PEX3: variants seen among roughly 807,000 people sequenced by gnomAD.
PEX3 encodes the protein peroxisomal biogenesis factor 3.
PEX3 carries 30 observed loss-of-function variants against 55.8 expected under a neutral mutation model. The observed-to-expected ratio is 0.54, with a 90% CI of 0.40 to 0.73. The LOEUF is 0.73. Among genes scored for constraint, PEX3 ranks in the 30% least tolerant of loss-of-function variants. The pLI, the probability that PEX3 is intolerant of heterozygous loss-of-function variation, is 0.00. For synonymous variants in PEX3, 135 were observed against 148.4 expected, an observed-to-expected ratio of 0.91 and a Z score of 0.66; for missense variants, 351 against 432.8, an observed-to-expected ratio of 0.81 and a Z score of 1.68.
Position 143,451,335 on chromosome 6 carries a change from C to CT in PEX3, c.73+221dup, listed in dbSNP as rs1158852730. Among the ~76,000 whole-genome samples the CT allele has an allele frequency of 3.3e-5, 5 of 152,180 alleles. No homozygotes were observed. Among genetic ancestry groups the CT allele is most frequent in the Admixed American group, 2.0e-4 (3 of 15,282 alleles). On this transcript the variant is annotated intron_variant, in intron 1 of 11. Transcript: ENST00000367591. This position sits in a 1 kb window ranked among gnomAD's most constrained non-coding sequence, Gnocchi z 4.1. ...TTTGCCCTGTCACCGACTCTTAACT[C>CT]TGTTTCTCACCTATCCTTTTTTCTC... is the stretch of plus-strand genomic sequence containing the variant.
rs1780065436 is a variant in PEX3 at position 143,470,961 on chromosome 6, G to A, written c.332G>A (p.Ser111Asn). 1 of 1,612,122 alleles carries A rather than the reference G, an allele frequency of 6.2e-7. No individual in the cohort carries two copies. The highest frequency in any genetic ancestry group is 8.5e-7 in the Non-Finnish European group (1 of 1,178,600). Reference sequence around the variant, plus strand: ...AAATGCTTTTCTTTTCTCTGTGAAGGTTTCACAAGAAGTACTGTGGCTGTA... The same window carrying A: ...AAATGCTTTTCTTTTCTCTGTGAAGATTTCACAAGAAGTACTGTGGCTGTA... ...LEIWEDLKII[S>N]FTRSTVAVYS... Residue 111 changes from serine to asparagine, a missense_variant and splice_region_variant, in exon 5 of 12, where the codon AGT (serine) becomes AAT (asparagine). Coordinates refer to ENST00000367591, the MANE Select transcript of PEX3 (RefSeq NM_003630.3).
chr6:143,452,120 G>T (rs544200762), intron 1 of PEX3, among the ~76,000 whole-genome samples: 19 of 152,230 alleles, frequency 1.2e-4, no homozygotes, highest in South Asian at 2.1e-4. Flanking sequence ...ATTGTATTCT[G>T]TTCTCCCCAA....
chr6:143,480,109 C>T (rs1339098319), intron 10 of PEX3, among the ~76,000 whole-genome samples: 1 of 151,978 alleles, frequency 6.6e-6, no homozygotes, highest in South Asian at 2.1e-4. Context: ...ATTAATTTGA[C>T]ATTGACATTA....
intron 1 of PEX3, among the ~76,000 whole-genome samples, chr6:143,456,239 G>A (rs9399442): frequency 0.32 from 47,968 of 152,016 alleles, 8,628 homozygotes; most frequent in African/African-American, 0.49. Context: ...TACCAGAGCC[G>A]TCAATATCTC....
chr6:143,459,180 C>A lies in PEX3; in HGVS notation c.169C>A (p.His57Asn). 3 of 1,612,472 alleles carry A rather than the reference C, an allele frequency of 1.9e-6. No homozygotes were observed. Among genetic ancestry groups the A allele is most frequent in the Non-Finnish European group, 2.5e-6 (3 of 1,178,712 alleles). Reference sequence around the variant, plus strand: ...CATTGCCCAAGCACGACGACAATATCATTTTGAAAGTAACCAGAGGACTTG... The same window carrying A: ...CATTGCCCAAGCACGACGACAATATAATTTTGAAAGTAACCAGAGGACTTG... ...EYIAQARRQYHFESNQRTCNM... is the reference protein window; with the variant it reads ...EYIAQARRQYNFESNQRTCNM... Residue 57 changes from histidine (H) to asparagine (N), a missense_variant, in exon 2 of 12, where the codon CAT becomes AAT. His to Asn is a moderately conservative substitution (Grantham distance 68). Transcript: ENST00000367591. This position sits in a 1 kb window ranked among gnomAD's most constrained non-coding sequence, Gnocchi z 4.2.
In PEX3 at chr6:143,454,503, T is replaced by A. The variant is rs1779816272; in HGVS notation, c.73+3388T>A. On this transcript the variant is annotated intron_variant, in intron 1 of 11. Coordinates refer to ENST00000367591, the MANE Select transcript of PEX3 (RefSeq NM_003630.3). This position sits in a 1 kb window ranked among gnomAD's most constrained non-coding sequence, Gnocchi z 4.3. ...CTGTAATCTCTGGCTTCACATTTTTTATTCATTCATTCATTCATTCTGTCA... is the reference window on the plus strand; with the variant it reads ...CTGTAATCTCTGGCTTCACATTTTTAATTCATTCATTCATTCATTCTGTCA... 1.3e-5 allele frequency among the ~76,000 whole-genome samples: 2 copies of A among 152,226 alleles called. No homozygotes were observed. The highest frequency in any genetic ancestry group is 2.9e-5 in the Non-Finnish European group (2 of 68,030).
intron 4 of PEX3, 49 bp from the exon 5 acceptor site, chr6:143,470,912 C>G: frequency 6.5e-7 from 1 of 1,548,040 alleles, no homozygotes; most frequent in Non-Finnish European, 8.9e-7. Flanking sequence ...CATGATTTTA[C>G]ACATTTGTAT....
intron 10 of PEX3, among the ~76,000 whole-genome samples, chr6:143,480,927 A>G (rs1468512400): frequency 6.6e-6 from 1 of 152,080 alleles, no homozygotes; most frequent in Admixed American, 6.6e-5. Flanking sequence ...TGAGAAAATC[A>G]CCTGAGCCCG....
At position 143,479,399 on chromosome 6, in the gene PEX3, C is replaced by A. The variant is rs142597320; in HGVS notation, c.941+201C>A. 3.8e-3 allele frequency among the ~76,000 whole-genome samples: 585 copies of A among 152,150 alleles called. No individual in the cohort carries two copies. Among genetic ancestry groups the A allele is most frequent in the African/African-American group, 0.013 (528 of 41,542 alleles). On this transcript the variant is annotated intron_variant, in intron 10 of 11. Coordinates refer to ENST00000367591, the MANE Select transcript of PEX3 (RefSeq NM_003630.3). The surrounding 1 kb of genome is among the most constrained non-coding windows in gnomAD (Gnocchi z 4.6). ...TTCAGTATTAAAACTTGGAGTCTTC[C>A]AGAAACTTTGCCACTATATTGAAGT... is the stretch of plus-strand genomic sequence containing the variant.
intron 10 of PEX3, among the ~76,000 whole-genome samples, chr6:143,480,149 A>T (rs6930325): frequency 0.32 from 47,959 of 151,962 alleles, 8,629 homozygotes; most frequent in African/African-American, 0.49. Flanking sequence ...GCCATAAAGT[A>T]TATTCTCTGA....
chr6:143,472,536 A>AGG (rs1780088817), intron 8 of PEX3, among the ~76,000 whole-genome samples: 1 of 152,120 alleles, frequency 6.6e-6, no homozygotes, highest in Non-Finnish European at 1.5e-5. Flanking sequence ...GATATTCAGT[A>AGG]CATTTTTATT....
chr6:143,474,055 C>T (rs1780113826), intron 8 of PEX3, among the ~76,000 whole-genome samples: 1 of 152,016 alleles, frequency 6.6e-6, no homozygotes, highest in African/African-American at 2.4e-5. Context: ...TCACTTGAGC[C>T]CACGAGTTCG....
chr6:143,489,058 C>A lies in PEX3; in HGVS notation c.1039-85C>A. On this transcript the variant is annotated intron_variant, in intron 11 of 11. Transcript: ENST00000367591. The surrounding 1 kb of genome is among the most constrained non-coding windows in gnomAD (Gnocchi z 5.5). ...TTGGCCTTTACCACAAAACTTAGAGCTGAATTCATCGCTTGATTGCAGAAA... is the reference window on the plus strand; with the variant it reads ...TTGGCCTTTACCACAAAACTTAGAGATGAATTCATCGCTTGATTGCAGAAA... 3.3e-6 allele frequency: 3 copies of A among 909,160 alleles called. No individual in the cohort carries two copies. The highest frequency in any genetic ancestry group is 3.7e-6 in the Non-Finnish European group (2 of 544,022). 56.3% of individuals were successfully genotyped at this position (909,160 alleles called of 1,614,324 possible). A position where few individuals can be genotyped will look rare whatever the true frequency, so the allele number is the denominator to read the frequency against.
At position 143,460,370 on chromosome 6, in the gene PEX3, A is replaced by G. The variant is rs185059776; in HGVS notation, c.205+1154A>G. On this transcript the variant is annotated intron_variant, in intron 2 of 11. Transcript: ENST00000367591. ...AATGACAATTCTGAGAGTAAAATGAACATTATAAAAGCCACTTCATAAATG... is the reference window on the plus strand; with the variant it reads ...AATGACAATTCTGAGAGTAAAATGAGCATTATAAAAGCCACTTCATAAATG... Among the ~76,000 whole-genome samples, 249 of 152,356 alleles carry G rather than the reference A, an allele frequency of 1.6e-3. 3 individuals are homozygous for G. Among genetic ancestry groups the G allele is most frequent in the Non-Finnish European group, 3.0e-3 (202 of 68,020 alleles).
At position 143,471,537 on chromosome 6, in the gene PEX3, G is replaced by T. The variant is rs1389730732; in HGVS notation, c.524-20G>T. 1 of 1,602,390 alleles carries T rather than the reference G, an allele frequency of 6.2e-7. No individual in the cohort carries two copies. ...TTTTTAAACTAAGCAAGGCTTTTAGGTTTGTTTTTTCTTTAATAGGCCTGA... is the reference window on the plus strand; with the variant it reads ...TTTTTAAACTAAGCAAGGCTTTTAGTTTTGTTTTTTCTTTAATAGGCCTGA... On this transcript the variant is annotated intron_variant, in intron 6 of 11. Coordinates refer to ENST00000367591, the MANE Select transcript of PEX3 (RefSeq NM_003630.3). The surrounding 1 kb of genome is among the most constrained non-coding windows in gnomAD (Gnocchi z 5.4).
chr6:143,472,315 CA>C lies in PEX3; in HGVS notation c.735del (p.Leu246Ter), dbSNP rs1562654984. ...CHYMMPDEET[P>X]LAVQACGLSP... ...TATATGATGCCAGATGAAGAAACTCCATTAGCAGTGCAGGTGCTTAATTCAT... is the reference window on the plus strand; with the variant it reads ...TATATGATGCCAGATGAAGAAACTCCTTAGCAGTGCAGGTGCTTAATTCAT... On this transcript the variant is annotated frameshift_variant, in exon 8 of 12. Coordinates refer to ENST00000367591, the MANE Select transcript of PEX3 (RefSeq NM_003630.3). LOFTEE classifies it high-confidence loss of function. 1.2e-6 allele frequency: 2 copies of C among 1,606,846 alleles called. No homozygotes were observed.
Position 143,471,573 on chromosome 6 carries a change from C to T in PEX3, c.540C>T (p.Ile180=). 2 of 1,611,676 alleles carry T rather than the reference C, an allele frequency of 1.2e-6. No homozygotes were observed. Among genetic ancestry groups the T allele is most frequent in the Non-Finnish European group, 1.7e-6 (2 of 1,178,094 alleles). ...HLLGDGLTEL[I]TVIKQAVQKV... is the part of the protein sequence containing the mutation. ...CTTTAATAGGCCTGACAGAATTGAT[C>T]ACTGTCATTAAACAAGCTGTGCAGA... Residue 180 remains isoleucine (I), a synonymous_variant, in exon 7 of 12, where the codon ATC becomes ATT. Coordinates refer to ENST00000367591, the MANE Select transcript of PEX3 (RefSeq NM_003630.3). The surrounding 1 kb of genome is among the most constrained non-coding windows in gnomAD (Gnocchi z 5.4).
At chr6:143,474,685 G>T in intron 8 of PEX3, 101 bp from the exon 9 acceptor site, 1 of 769,708 alleles carries the variant, frequency 1.3e-6, no homozygotes, top group Non-Finnish European at 2.4e-6. Flanking sequence ...ATAGAACATA[G>T]ACTTAGATTT....
chr6:143,474,120 G>A (rs879765104), intron 8 of PEX3, among the ~76,000 whole-genome samples: 4 of 151,814 alleles, frequency 2.6e-5, no homozygotes, highest in Non-Finnish European at 5.9e-5. Context: ...GACAGAGTGA[G>A]ACCCTTTCTC....
Sources: gnomAD v4.1 joint callset for allele counts (sites outside exome capture counted in the v4.1 genomes callset) on GRCh38, gnomAD v4.1.1 for gene constraint, Gnocchi (gnomAD v3.1) non-coding constraint, MANE v1.5 for transcripts, NCBI Gene and HGNC (gene_info 2026-07-23, HGNC 2026-07-21) for gene names.